Variants in ORC4 observed in about 807,000 individuals in gnomAD.
ORC4 encodes origin recognition complex, subunit 4 homolog.
A neutral mutation model predicts 63.9 loss-of-function variants in ORC4; 55 were observed. The ratio of observed to expected loss-of-function variants is 0.86; its 90% CI spans 0.69 to 1.08. The LOEUF (loss-of-function observed/expected upper bound fraction) is 1.08. ORC4 is among the 50% of genes least tolerant of loss of function. The pLI is 0.00. For synonymous variants in ORC4, 150 were observed against 168.5 expected (o/e 0.89, Z 0.85); for missense variants, 511 against 504.4 (o/e 1.01, Z -0.13).
At chr2:147,941,904 AAGAC>A (rs1001054825) in intron 10 of ORC4, among the ~76,000 whole-genome samples, 2 of 152,104 alleles carry the variant, frequency 1.3e-5, no homozygotes, top group Middle Eastern at 3.2e-3. Flanking sequence ...TAGGGATAAA[AAGAC>A]TTAAATTCCT....
At chr2:147,962,921 G>A (rs1397070643) in intron 4 of ORC4, among the ~76,000 whole-genome samples, 1 of 152,056 alleles carries the variant, frequency 6.6e-6, no homozygotes, top group African/African-American at 2.4e-5. Context: ...GAGCAGCCAT[G>A]AGCCATGACC....
intron 8 of ORC4, among the ~76,000 whole-genome samples, chr2:147,951,842 T>C (rs1258097501): frequency 6.6e-6 from 1 of 152,184 alleles, no homozygotes; most frequent in Non-Finnish European, 1.5e-5. Flanking sequence ...GTACAGAGCC[T>C]TCACAAGGCA....
At chr2:147,967,720 T>C (rs1689977860) in intron 4 of ORC4, among the ~76,000 whole-genome samples, 1 of 151,938 alleles carries the variant, frequency 6.6e-6, no homozygotes, top group African/African-American at 2.4e-5. Context: ...AATTACTATA[T>C]TACCAGAAGC....
At chr2:148,003,385 C>T (rs1277808611) in intron 1 of ORC4, among the ~76,000 whole-genome samples, 1 of 152,178 alleles carries the variant, frequency 6.6e-6, no homozygotes, top group Non-Finnish European at 1.5e-5. Flanking sequence ...CAAACTGAAT[C>T]CAGCAGCACA....
At chr2:147,936,443 G>GAT (rs1382868629) in intron 13 of ORC4, 1 of 151,718 alleles carries the variant, frequency 6.6e-6, no homozygotes, top group Non-Finnish European at 1.5e-5. Context: ...ATTAAATCAT[G>GAT]ATATACTAAC....
intron 1 of ORC4, among the ~76,000 whole-genome samples, chr2:147,986,525 G>C (rs1032580330): frequency 2.6e-5 from 4 of 152,006 alleles, no homozygotes; most frequent in Admixed American, 6.6e-5. Flanking sequence ...ACCTACAAGG[G>C]AGAAAAAAAT....
intron 4 of ORC4, among the ~76,000 whole-genome samples, chr2:147,970,098 A>T (rs1046271257): frequency 6.6e-6 from 1 of 152,178 alleles, no homozygotes; most frequent in Admixed American, 6.5e-5. Flanking sequence ...TAAAAAACAC[A>T]GTACTATTCG....
At chr2:147,946,628 G>C (rs766747304) in intron 9 of ORC4, among the ~76,000 whole-genome samples, 21 of 152,074 alleles carry the variant, frequency 1.4e-4, no homozygotes, top group Non-Finnish European at 2.9e-4. Context: ...TGAGTGGAAG[G>C]GAGGATCCAT....
intron 3 of ORC4, among the ~76,000 whole-genome samples, chr2:147,973,180 A>C (rs1475727459): frequency 6.6e-6 from 1 of 152,202 alleles, no homozygotes; most frequent in Admixed American, 6.5e-5. Context: ...GCTGGGTATT[A>C]AGGGCAAGAT....
At chr2:148,003,661 A>G (rs1293278661) in intron 1 of ORC4, among the ~76,000 whole-genome samples, 3 of 152,236 alleles carry the variant, frequency 2.0e-5, no homozygotes, top group African/African-American at 4.8e-5. Flanking sequence ...ATCACACTGA[A>G]TGGGCAAAAA....
At chr2:147,972,626 T>C in intron 4 of ORC4, 113 bp downstream of exon 4, 1 of 540,064 alleles carries the variant, frequency 1.9e-6, no homozygotes, top group Non-Finnish European at 3.1e-6. Flanking sequence ...TACAAAATAA[T>C]GAAAAGTATT....
chr2:148,013,702 A>G (rs1451363836), intron 1 of ORC4, among the ~76,000 whole-genome samples: 1 of 152,174 alleles, frequency 6.6e-6, no homozygotes, highest in Non-Finnish European at 1.5e-5. Context: ...TTATGTATCC[A>G]TAGTAATTAA....
chr2:147,979,894 C>T (rs1690772555), intron 1 of ORC4, among the ~76,000 whole-genome samples: 1 of 152,022 alleles, frequency 6.6e-6, no homozygotes, highest in Non-Finnish European at 1.5e-5. Flanking sequence ...GAAATTGAAC[C>T]CTTATTGCAC....
intron 1 of ORC4, among the ~76,000 whole-genome samples, chr2:148,017,204 C>G (rs1271616119): frequency 1.3e-5 from 2 of 152,058 alleles, no homozygotes. Flanking sequence ...ATTGTTCACA[C>G]TAAAAGAAAA....
In ORC4 at chr2:147,944,393, A is replaced by G. The variant is rs929884324; in HGVS notation, c.763-871T>C. 4.6e-5 allele frequency among the ~76,000 whole-genome samples: 7 copies of G among 152,130 alleles called. No homozygotes were observed. In the South Asian group the frequency reaches 6.2e-4, roughly 14 times the overall value. Reference sequence around the variant, plus strand: ...CTAAGACAGAGTAGAGATCTAGAAAACAAGGGAACAAAGTTTTAAGAGAGA... The same window carrying G: ...CTAAGACAGAGTAGAGATCTAGAAAGCAAGGGAACAAAGTTTTAAGAGAGA... On this transcript the variant is annotated intron_variant, in intron 9 of 13. Coordinates refer to ENST00000392857, the MANE Select transcript of ORC4 (RefSeq NM_181741.4).
intron 1 of ORC4, among the ~76,000 whole-genome samples, chr2:148,005,086 A>T (rs769655141): frequency 1.4e-4 from 22 of 152,304 alleles, no homozygotes; most frequent in Non-Finnish European, 1.0e-4. Context: ...AAATCATTCT[A>T]CTATAAAGAC....
chr2:147,973,966 G>T (rs1690374750), intron 2 of ORC4, among the ~76,000 whole-genome samples: 1 of 151,964 alleles, frequency 6.6e-6, no homozygotes, highest in Non-Finnish European at 1.5e-5. Flanking sequence ...TCCTTTTTTG[G>T]ATCTGCAGCT....
At chr2:148,011,249 T>G (rs575712836) in intron 1 of ORC4, among the ~76,000 whole-genome samples, 10 of 152,166 alleles carry the variant, frequency 6.6e-5, no homozygotes, top group African/African-American at 2.4e-4. Flanking sequence ...GCAAACCAAA[T>G]TCAACAGCAC....
intron 1 of ORC4, among the ~76,000 whole-genome samples, chr2:147,991,318 G>A (rs569107951): frequency 1.3e-5 from 2 of 151,654 alleles, no homozygotes; most frequent in African/African-American, 2.4e-5. Flanking sequence ...AGTGCTGCTG[G>A]GATTACAGGC....
Sources: allele counts gnomAD v4.1 joint callset (sites outside exome capture counted in the v4.1 genomes callset), GRCh38; gene constraint gnomAD v4.1.1; transcripts MANE v1.5; gene names NCBI Gene and HGNC (gene_info 2026-07-23, HGNC 2026-07-21).